Variants in NTM observed in about 807,000 individuals in gnomAD.
The protein encoded by NTM is neurotrimin.
NTM carries 13 observed loss-of-function variants against 42.1 expected under a neutral mutation model. The observed-to-expected ratio is 0.31, with a 90% confidence interval of 0.20 to 0.49. The LOEUF (loss-of-function observed/expected upper bound fraction) is 0.49, where lower values mean the gene tolerates loss of function less well. Ranked by LOEUF, NTM falls within the 20% of genes least tolerant of loss-of-function variation. The pLI is 0.99. For missense variants in NTM, 373 were observed against 452.8 expected, an observed-to-expected ratio of 0.82 and a Z score of 1.60; for synonymous variants, 187 against 179.2, an observed-to-expected ratio of 1.04 and a Z score of -0.35.
rs545572438 is a variant in NTM, at chr11:132,237,505, A to G, written c.526+25358A>G. 2.6e-5 allele frequency among the ~76,000 whole-genome samples: 4 copies of G among 152,270 alleles called. No homozygotes were observed. In the South Asian group the frequency reaches 6.2e-4, roughly 24 times the overall value. ...GCCACTGACCCCATCCAAATGGCGG[A>G]AAGTGAAAGAAGCCGGTCCCGTGAA... On this transcript the variant is annotated intron_variant, in intron 4 of 8. Transcript: ENST00000683400.
At chr11:132,260,256 C>T (rs1159300645) in intron 4 of NTM, among the ~76,000 whole-genome samples, 2 of 148,154 alleles carry the variant, frequency 1.3e-5, no homozygotes, top group Admixed American at 6.7e-5. Context: ...ATCACCCAGC[C>T]TTTTTTTTTT....
In NTM at chr11:132,314,551, G is replaced by GACTGATTGAAGGAAAGAA; in HGVS notation, c.784_801dup (p.Leu262_Lys267dup). 4 of 1,610,946 alleles carry GACTGATTGAAGGAAAGAA rather than the reference G, an allele frequency of 2.5e-6. No individual in the cohort carries two copies. The highest frequency in any genetic ancestry group is 3.4e-6 in the Non-Finnish European group (4 of 1,178,632). ...TCTTTTTTGTCTTTTGTTTCTCTCAGACTGATTGAAGGAAAGAAAGGGGTG... is the reference window on the plus strand; with the variant it reads ...TCTTTTTTGTCTTTTGTTTCTCTCAGACTGATTGAAGGAAAGAAACTGATTGAAGGAAAGAAAGGGGTG... On this transcript the variant is annotated inframe_insertion and splice_region_variant. Transcript: ENST00000683400.
intron 4 of NTM, among the ~76,000 whole-genome samples, chr11:132,301,971 A>G (rs2094880305): frequency 6.6e-6 from 1 of 152,180 alleles, no homozygotes; most frequent in Admixed American, 6.5e-5. Flanking sequence ...TGTGGGTATT[A>G]TTATTTTCAG....
intron 1 of NTM, among the ~76,000 whole-genome samples, chr11:131,400,806 G>A (rs2135675278): frequency 6.6e-6 from 1 of 152,270 alleles, no homozygotes; most frequent in South Asian, 2.1e-4. Flanking sequence ...AATGAGGAAT[G>A]TTTTAGAAAA....
intron 3 of NTM, among the ~76,000 whole-genome samples, chr11:132,193,799 A>T (rs182446746): frequency 1.4e-4 from 21 of 152,252 alleles, no homozygotes; most frequent in African/African-American, 5.0e-4. Flanking sequence ...AACCAACCCC[A>T]TAGAAATACA....
chr11:132,276,741 C>T (rs1270116219), intron 4 of NTM, among the ~76,000 whole-genome samples: 1 of 151,830 alleles, frequency 6.6e-6, no homozygotes, highest in Non-Finnish European at 1.5e-5. Flanking sequence ...CTGTGTGACC[C>T]TTCTTGGGAG....
intron 1 of NTM, among the ~76,000 whole-genome samples, chr11:131,763,731 T>TTTTTTTTTTTTTG: frequency 6.9e-6 from 1 of 145,694 alleles, no homozygotes; most frequent in Non-Finnish European, 1.5e-5. Context: ...TTTTTTTTTT[T>TTTTTTTTTTTTTG]TTTTGGCATT....
intron 1 of NTM, among the ~76,000 whole-genome samples, chr11:131,634,415 T>A (rs1327931647): frequency 1.3e-5 from 2 of 152,168 alleles, no homozygotes; most frequent in East Asian, 3.9e-4. Context: ...AAAAAAGTGC[T>A]TTCTCAAAGA....
At chr11:131,575,706 A>T (rs939938604) in intron 1 of NTM, among the ~76,000 whole-genome samples, 1 of 152,158 alleles carries the variant, frequency 6.6e-6, no homozygotes, top group East Asian at 1.9e-4. Context: ...TAGGGAAGGG[A>T]GTGGAAATAA....
chr11:131,701,737 G>A (rs2076092395), intron 1 of NTM, among the ~76,000 whole-genome samples: 1 of 152,064 alleles, frequency 6.6e-6, no homozygotes, highest in African/African-American at 2.4e-5. Context: ...TGTCCATGGG[G>A]TCCTAGGGCA....
intron 1 of NTM, among the ~76,000 whole-genome samples, chr11:131,867,709 G>GGTCTGGGT (rs1565650211): frequency 1.3e-5 from 2 of 151,806 alleles, no homozygotes; most frequent in Non-Finnish European, 2.9e-5. Context: ...TAGGAGTCTA[G>GGTCTGGGT]GTCTGGGTGT....
chr11:131,657,150 CAA>C (rs55842346), intron 1 of NTM, among the ~76,000 whole-genome samples: 2 of 148,012 alleles, frequency 1.4e-5, no homozygotes, highest in African/African-American at 5.0e-5. Flanking sequence ...AAGACCAGCC[CAA>C]AAAAAAAAAA....
At chr11:131,999,974 C>CT (rs1448375311) in intron 2 of NTM, among the ~76,000 whole-genome samples, 1 of 152,122 alleles carries the variant, frequency 6.6e-6, no homozygotes, top group African/African-American at 2.4e-5. Context: ...TCTAACATGA[C>CT]TTTTTTTCTT....
intron 1 of NTM, among the ~76,000 whole-genome samples, chr11:131,525,874 C>T (rs1197629799): frequency 6.6e-6 from 1 of 152,054 alleles, no homozygotes; most frequent in African/African-American, 2.4e-5. Flanking sequence ...TGTATATATA[C>T]ATACACTTTG....
chr11:131,556,267 T>A (rs772152348), intron 1 of NTM, among the ~76,000 whole-genome samples: 21 of 152,034 alleles, frequency 1.4e-4, no homozygotes, highest in Non-Finnish European at 2.4e-4. Flanking sequence ...TACAACTACC[T>A]CTCCCCTTCC....
chr11:132,226,476 T>C (rs2086312605), intron 4 of NTM, among the ~76,000 whole-genome samples: 1 of 152,254 alleles, frequency 6.6e-6, no homozygotes, highest in Non-Finnish European at 1.5e-5. Context: ...ATGAGGTTTT[T>C]TTCATATGTT....
At chr11:132,311,252 C>A (rs926571697) in intron 6 of NTM, among the ~76,000 whole-genome samples, 1 of 152,046 alleles carries the variant, frequency 6.6e-6, no homozygotes, top group South Asian at 2.1e-4. Context: ...GTCTCTAGAT[C>A]GAAAATTGAA....
intron 1 of NTM, among the ~76,000 whole-genome samples, chr11:131,891,606 C>A (rs1408981441): frequency 6.6e-6 from 1 of 152,082 alleles, no homozygotes; most frequent in Non-Finnish European, 1.5e-5. Context: ...GAGGACTCTG[C>A]CCACTCCACC....
At chr11:131,980,038 T>G (rs2134881197) in intron 2 of NTM, among the ~76,000 whole-genome samples, 1 of 152,334 alleles carries the variant, frequency 6.6e-6, no homozygotes, top group Middle Eastern at 3.4e-3. Flanking sequence ...TGCACAACGA[T>G]TCCTTGCTGT....
Sources: allele counts gnomAD v4.1 joint callset (sites outside exome capture counted in the v4.1 genomes callset), GRCh38; gene constraint gnomAD v4.1.1; transcripts MANE v1.5; gene names NCBI Gene and HGNC (gene_info 2026-07-23, HGNC 2026-07-21).